GPC5: variants seen among roughly 807,000 people sequenced by gnomAD.
GPC5 encodes the protein glypican 5.
Under a neutral mutation model 53.9 loss-of-function variants are expected in GPC5, and 47 were observed. That is an observed-to-expected ratio of 0.87 (90% CI 0.69 to 1.11). The LOEUF (loss-of-function observed/expected upper bound fraction) is 1.11, where lower values mean the gene tolerates loss of function less well. Among genes scored for constraint, GPC5 ranks in the 50% most tolerant of loss-of-function variants. GPC5 has a pLI of 0.00. For missense variants in GPC5, 748 were observed against 713.1 expected (o/e 1.05, Z -0.56); for synonymous variants, 286 against 263.3 (o/e 1.09, Z -0.84).
intron 7 of GPC5, among the ~76,000 whole-genome samples, chr13:92,628,514 T>C (rs1040553828): frequency 5.9e-5 from 9 of 152,074 alleles, no homozygotes; most frequent in Non-Finnish European, 1.2e-4. Context: ...CCCGTGTCCA[T>C]GCTCAGCCCT....
chr13:91,752,611 C>G lies in GPC5; in HGVS notation c.1155-3684C>G, dbSNP rs753816400. 1.1e-4 allele frequency among the ~76,000 whole-genome samples: 17 copies of G among 152,182 alleles called. 1 individual carries two copies. The highest frequency in any genetic ancestry group is 2.2e-4 in the Non-Finnish European group (15 of 68,018). On this transcript the variant is annotated intron_variant, in intron 4 of 7. Transcript: ENST00000377067. ...TTCTTTAGTTTTCATAGTGCTTTAA[C>G]TTTGAAGTTTTCTTCCTTCGTTCTT...
chr13:91,663,903 G>C (rs1409603), intron 2 of GPC5, among the ~76,000 whole-genome samples: 36,991 of 152,034 alleles, frequency 0.24, 6,104 homozygotes, highest in African/African-American at 0.46. Flanking sequence ...CCTTGCACTC[G>C]TGGGTTCGAA....
chr13:91,983,071 C>T (rs1375267465), intron 6 of GPC5, among the ~76,000 whole-genome samples: 4 of 151,882 alleles, frequency 2.6e-5, no homozygotes, highest in East Asian at 1.9e-4. Flanking sequence ...AGGTGCCGGT[C>T]GCGGTGGCTC....
intron 2 of GPC5, among the ~76,000 whole-genome samples, chr13:91,655,674 A>G (rs2034827557): frequency 6.6e-6 from 1 of 152,108 alleles, no homozygotes; most frequent in Admixed American, 6.6e-5. Context: ...AGGATACACA[A>G]TATCGATAAG....
intron 7 of GPC5, among the ~76,000 whole-genome samples, chr13:92,224,312 G>A (rs2042469260): frequency 6.6e-6 from 1 of 152,146 alleles, no homozygotes; most frequent in African/African-American, 2.4e-5. Flanking sequence ...ATTCTATTGT[G>A]GCGGAACAGG....
At chr13:92,691,984 G>A (rs1048933479) in intron 7 of GPC5, among the ~76,000 whole-genome samples, 1 of 152,098 alleles carries the variant, frequency 6.6e-6, no homozygotes, top group African/African-American at 2.4e-5. Context: ...CAGATGGTGA[G>A]CATAATATGG....
intron 7 of GPC5, among the ~76,000 whole-genome samples, chr13:92,369,128 A>G (rs1391119376): frequency 6.6e-6 from 1 of 152,260 alleles, no homozygotes; most frequent in African/African-American, 2.4e-5. Context: ...ACAGTTAAAC[A>G]TCAGCTGTGA....
At chr13:91,927,545 C>T (rs1189238986) in intron 6 of GPC5, among the ~76,000 whole-genome samples, 1 of 152,028 alleles carries the variant, frequency 6.6e-6, no homozygotes, top group Non-Finnish European at 1.5e-5. Context: ...TATTTGCAGT[C>T]TATGGCAATT....
chr13:91,680,384 G>C lies in GPC5; in HGVS notation c.326-12803G>C, dbSNP rs2035479403. ...GAATCACTTGAACCAGGGAGGCGGA[G>C]GTTGCAGTGAGCAAAGATCGCAACA... is the stretch of plus-strand genomic sequence containing the variant. On this transcript the variant is annotated intron_variant, in intron 2 of 7. Coordinates refer to ENST00000377067, the MANE Select transcript of GPC5 (RefSeq NM_004466.6). Among the ~76,000 whole-genome samples the C allele has an allele frequency of 1.3e-5, 2 of 152,190 alleles. 1 individual carries two copies. Among genetic ancestry groups the C allele is most frequent in the South Asian group, 4.1e-4 (2 of 4,832 alleles).
chr13:92,252,417 G>T (rs1178489768), intron 7 of GPC5, among the ~76,000 whole-genome samples: 2 of 151,990 alleles, frequency 1.3e-5, no homozygotes, highest in African/African-American at 4.8e-5. Context: ...TATATCTACT[G>T]TGTTAAAGAC....
At chr13:91,419,855 T>C (rs1407395720) in intron 1 of GPC5, among the ~76,000 whole-genome samples, 1 of 152,224 alleles carries the variant, frequency 6.6e-6, no homozygotes, top group Non-Finnish European at 1.5e-5. Flanking sequence ...CCTAGTTGTT[T>C]GCTGCTTATG....
intron 7 of GPC5, among the ~76,000 whole-genome samples, chr13:92,346,060 G>T (rs1201547812): frequency 1.3e-5 from 2 of 152,082 alleles, no homozygotes; most frequent in Non-Finnish European, 2.9e-5. Context: ...TAATGACCCT[G>T]CCCAGGCAGG....
intron 7 of GPC5, among the ~76,000 whole-genome samples, chr13:92,226,838 G>A (rs2042490459): frequency 6.6e-6 from 1 of 151,818 alleles, no homozygotes; most frequent in African/African-American, 2.4e-5. Context: ...GATCTCAGGC[G>A]ATCCATCTGC....
intron 2 of GPC5, among the ~76,000 whole-genome samples, chr13:91,571,828 T>TGTGTGTGTGTATAC (rs2031824011): frequency 1.7e-4 from 11 of 64,854 alleles, no homozygotes; most frequent in Admixed American, 1.6e-3. Flanking sequence ...TGTGTATATA[T>TGTGTGTGTGTATAC]ACACATATAC....
intron 7 of GPC5, among the ~76,000 whole-genome samples, chr13:92,837,956 G>A (rs915581871): frequency 2.6e-5 from 4 of 151,798 alleles, no homozygotes; most frequent in African/African-American, 7.3e-5. Flanking sequence ...TTAGCCAGGC[G>A]TGGTGGCGCA....
chr13:92,837,397 C>T (rs561739872), intron 7 of GPC5, among the ~76,000 whole-genome samples: 1 of 152,112 alleles, frequency 6.6e-6, no homozygotes, highest in Non-Finnish European at 1.5e-5. Context: ...ACTGGAGAGG[C>T]GACAATTCAG....
At chr13:92,059,228 AGTCT>A (rs1439790676) in intron 6 of GPC5, among the ~76,000 whole-genome samples, 19 of 151,518 alleles carry the variant, frequency 1.3e-4, no homozygotes, top group African/African-American at 4.2e-4. Context: ...GACCACAAAT[AGTCT>A]CAACAATGCA....
At chr13:92,706,993 T>C (rs1887973958) in intron 7 of GPC5, among the ~76,000 whole-genome samples, 1 of 152,124 alleles carries the variant, frequency 6.6e-6, no homozygotes, top group African/African-American at 2.4e-5. Flanking sequence ...TTTCTCTGCA[T>C]GTACACACCA....
At chr13:91,759,148 G>A (rs954549017) in intron 5 of GPC5, among the ~76,000 whole-genome samples, 3 of 151,978 alleles carry the variant, frequency 2.0e-5, no homozygotes, top group South Asian at 2.1e-4. Flanking sequence ...TCTATTTGAC[G>A]ACGAGAAAAT....
Sources: allele counts gnomAD v4.1 joint callset (sites outside exome capture counted in the v4.1 genomes callset), GRCh38; gene constraint gnomAD v4.1.1; transcripts MANE v1.5; gene names NCBI Gene and HGNC (gene_info 2026-07-23, HGNC 2026-07-21).